Variants in SREBF1 observed in about 807,000 individuals in gnomAD.
SREBF1 encodes the protein sterol regulatory element binding transcription factor 1.
In SREBF1, 45 loss-of-function variants were observed where a neutral mutation model predicts 100.1. The observed-to-expected ratio is 0.45, with a 90% CI of 0.35 to 0.58. SREBF1 has a LOEUF of 0.58. Among genes scored for constraint, SREBF1 ranks in the 20% least tolerant of loss-of-function variants. The pLI is 0.00. For synonymous variants in SREBF1, 657 were observed against 681.8 expected (o/e 0.96, Z 0.57); for missense variants, 1,324 against 1,539.4 (o/e 0.86, Z 2.34).
Position 17,824,051 on chromosome 17 carries a change from G to A in SREBF1, c.92-3530C>T, listed in dbSNP as rs899797230. On this transcript the variant is annotated intron_variant, in intron 1 of 18. Coordinates refer to ENST00000261646, the MANE Select transcript of SREBF1 (RefSeq NM_004176.5). This position sits in a 1 kb window ranked among gnomAD's most constrained non-coding sequence, Gnocchi z 4.2. Reference sequence around the variant, plus strand: ...TCACTGGTTCGCTGGCACCCTGAGCGAGCCTTAACCGCTCCAACCCTCCGT... The same window carrying A: ...TCACTGGTTCGCTGGCACCCTGAGCAAGCCTTAACCGCTCCAACCCTCCGT... Among the ~76,000 whole-genome samples, 1 of 152,326 alleles carries A rather than the reference G, an allele frequency of 6.6e-6. No individual in the cohort carries two copies. Among genetic ancestry groups the A allele is most frequent in the Admixed American group, 6.5e-5 (1 of 15,300 alleles).
rs1208067954 is a variant in SREBF1, at chr17:17,818,337, T to C, written c.1106A>G (p.Tyr369Cys). The C allele has an allele frequency of 3.1e-6, 5 of 1,613,648 alleles. No individual in the cohort carries two copies. The Admixed American group carries it at 8.3e-5, about 27-fold the overall frequency. The change falls in exon 6 of 19, where the codon TAC becomes TGC. Residue 369 changes from tyrosine (Y) to cysteine (C), a missense_variant. By Grantham distance (194) the Tyr-to-Cys change is radical. Transcript: ENST00000261646. ...KSAVLRKAID[Y>C]IRFLQHSNQK... ...GTTGCTGTGTTGCAGAAAGCGAATG[T>C]AGTCGATGGCCTTGCGCAAGACAGC...
chr17:17,813,625 G>A lies in SREBF1; in HGVS notation c.3046C>T (p.Arg1016Trp), dbSNP rs775381502. 10 of 1,584,318 alleles carry A rather than the reference G, an allele frequency of 6.3e-6. No individual in the cohort carries two copies. The highest frequency in any genetic ancestry group is 4.5e-5 in the South Asian group (4 of 88,322). ...AGCCGCCTCAGGCTGCTCAGGTCCC[G>A]TTGGAAGCCACGCAGCTCAAGGGCG... is the stretch of plus-strand genomic sequence containing the variant. ...ASALELRGFQRDLSSLRRLAQ... is the reference protein window; with the variant it reads ...ASALELRGFQWDLSSLRRLAQ... The change falls in exon 17 of 19, where the codon CGG becomes TGG. Residue 1016 changes from arginine to tryptophan, a missense_variant. Coordinates refer to ENST00000261646, the MANE Select transcript of SREBF1 (RefSeq NM_004176.5).
chr17:17,816,750 T>C, intron 9 of SREBF1, 32 bp from the exon 10 acceptor site: 1 of 1,568,038 alleles, frequency 6.4e-7, no homozygotes, highest in South Asian at 1.2e-5. Context: ...GTGAGAAAAG[T>C]GAGGTCAGAG....
chr17:17,819,856 G>T, intron 2 of SREBF1, 131 bp from the exon 3 acceptor site: 1 of 1,316,016 alleles, frequency 7.6e-7, no homozygotes, highest in Non-Finnish European at 1.0e-6. Flanking sequence ...GACAGTCCCT[G>T]CCTGGGCTCT....
At chr17:17,815,378 C>T in intron 12 of SREBF1, 49 bp from the exon 13 acceptor site, 1 of 1,498,496 alleles carries the variant, frequency 6.7e-7, no homozygotes, top group Non-Finnish European at 9.3e-7. Context: ...CCCCACCCTC[C>T]TCTCCAAGCT....
rs1172493422 is a variant in SREBF1 at position 17,811,785 on chromosome 17, C to CTGA, written c.*834_*836dup. On this transcript the variant is annotated 3_prime_UTR_variant, in exon 19 of 19. Transcript: ENST00000261646. The stretch of plus-strand genomic sequence containing the variant: ...CCATCCTCCCGTGCCACCCAGGGAC[C>CTGA]TGATGGGGACAGAGCTGGGAGGTGA... 4.4e-6 allele frequency: 2 copies of CTGA among 454,786 alleles called. No individual in the cohort carries two copies. Among genetic ancestry groups the CTGA allele is most frequent in the East Asian group, 7.1e-5 (1 of 14,128 alleles). The allele number at this position is 454,786 out of a possible 1,614,324, so 28.2% of individuals were successfully genotyped here. A position where few individuals can be genotyped will look rare whatever the true frequency, so the allele number is the denominator to read the frequency against.
chr17:17,833,086 A>C (rs1034873541), intron 1 of SREBF1, among the ~76,000 whole-genome samples: 2 of 152,080 alleles, frequency 1.3e-5, no homozygotes, highest in African/African-American at 4.8e-5. Context: ...AACCAAGCAG[A>C]TTCCAATCAG....
At chr17:17,834,558 AG>A (rs2035108311) in intron 1 of SREBF1, among the ~76,000 whole-genome samples, 2 of 152,244 alleles carry the variant, frequency 1.3e-5, no homozygotes, top group Non-Finnish European at 2.9e-5. Context: ...GGCTGCCCCC[AG>A]TCTTCAAGGG....
chr17:17,815,325 G>T lies in SREBF1; in HGVS notation c.2388C>A (p.Asp796Glu), dbSNP rs369454652. ...ATAGCTGAGTCACCTGGGCCAGGGG[G>T]TCCACTGTGGAGAGGAGGAGGTGAG... ...SLYSLAGNPV[D>E]PLAQVTQLFR... The change falls in exon 13 of 19, where the codon GAC becomes GAA. Residue 796 changes from aspartate (D) to glutamate (E), a missense_variant. Physicochemically the swap from Asp to Glu is conservative, Grantham distance 45. Coordinates refer to ENST00000261646, the MANE Select transcript of SREBF1 (RefSeq NM_004176.5). 11 of 1,613,184 alleles carry T rather than the reference G, an allele frequency of 6.8e-6. No homozygotes were observed. In the South Asian group the frequency reaches 7.7e-5, roughly 11 times the overall value.
chr17:17,817,421 C>CA lies in SREBF1; in HGVS notation c.1440_1441insT (p.Gly481TrpfsTer44). 1 of 1,595,526 alleles carries CA rather than the reference C, an allele frequency of 6.3e-7. No individual in the cohort carries two copies. Among genetic ancestry groups the CA allele is most frequent in the Non-Finnish European group, 8.5e-7 (1 of 1,171,134 alleles). ...GCCAGGCGGGAGCGGTCCAGCATGC[C>CA]CCGGCTGTGCAGAGACGGCCGCTGC... On this transcript the variant is annotated frameshift_variant, in exon 8 of 19. Coordinates refer to ENST00000261646, the MANE Select transcript of SREBF1 (RefSeq NM_004176.5). LOFTEE classifies it high-confidence loss of function. This position sits in a 1 kb window ranked among gnomAD's most constrained non-coding sequence, Gnocchi z 6.6.
At position 17,817,128 on chromosome 17, in the gene SREBF1, C is replaced by T. The variant is rs778790003; in HGVS notation, c.1615G>A (p.Gly539Ser). The T allele has an allele frequency of 5.6e-6, 9 of 1,613,196 alleles. No individual in the cohort carries two copies. The highest frequency in any genetic ancestry group is 6.8e-6 in the Non-Finnish European group (8 of 1,179,918). ...GGGGGCAGCAGCCACTGGGCCCAGC[C>T]AGGGCCATCTATGGACAGAGGGAAA... The part of the protein sequence containing the change: ...VLGTESRDGP[G>S]WAQWLLPPVV... The change falls in exon 9 of 19, where the codon GGC (glycine) becomes AGC (serine). Residue 539 changes from glycine (G) to serine (S), a missense_variant. By Grantham distance (56) the Gly-to-Ser change is moderately conservative. Coordinates refer to ENST00000261646, the MANE Select transcript of SREBF1 (RefSeq NM_004176.5). The surrounding 1 kb of genome is among the most constrained non-coding windows in gnomAD (Gnocchi z 6.6).
chr17:17,829,239 TAC>T (rs144842792), intron 1 of SREBF1, among the ~76,000 whole-genome samples: 1,603 of 122,966 alleles, frequency 0.013, 111 homozygotes, highest in African/African-American at 0.058. Flanking sequence ...TATATATGTA[TAC>T]ACACACACAC....
At chr17:17,816,428 C>T in intron 10 of SREBF1, 29 bp downstream of exon 10, 3 of 1,602,622 alleles carry the variant, frequency 1.9e-6, no homozygotes, top group Non-Finnish European at 2.6e-6. Context: ...CAGGGAGCAC[C>T]TCGGAGCCCG....
rs184632773 is a variant in SREBF1 at position 17,812,844 on chromosome 17, C to A, written c.3222G>T (p.Val1074=). The A allele has an allele frequency of 4.2e-5, 62 of 1,471,718 alleles. No homozygotes were observed. The highest frequency in any genetic ancestry group is 5.4e-5 in the Non-Finnish European group (60 of 1,119,906). 91.2% of individuals were successfully genotyped at this position (1,471,718 alleles called of 1,614,324 possible). A position where few individuals can be genotyped will look rare whatever the true frequency, so the allele number is the denominator to read the frequency against. ...RAGPGGKGGA[V]AELEPRPTRR... The stretch of plus-strand genomic sequence containing the variant: ...GCGTGGGCCGCGGCTCCAGCTCCGC[C>A]ACCGCGCCTGCGCACACGAGGATGT... The change falls in exon 19 of 19, where the codon GTG becomes GTT. Residue 1074 remains valine, a synonymous_variant. Transcript: ENST00000261646.
At chr17:17,833,944 A>C (rs12938501) in intron 1 of SREBF1, among the ~76,000 whole-genome samples, 82,471 of 151,228 alleles carry the variant, frequency 0.55, 23,539 homozygotes, top group Non-Finnish European at 0.63. Flanking sequence ...GGACTACAGC[A>C]TGGGCAAAAG....
rs750166615 is a variant in SREBF1, at chr17:17,813,643, C to G, written c.3028G>C (p.Glu1010Gln). 8.9e-6 allele frequency: 14 copies of G among 1,571,566 alleles called. No homozygotes were observed. In the African/African-American group the frequency reaches 1.6e-4, roughly 18 times the overall value. The change falls in exon 17 of 19, where the codon GAG becomes CAG. Residue 1010 changes from glutamate to glutamine, a missense_variant. Physicochemically the swap from Glu to Gln is conservative, Grantham distance 29. Coordinates refer to ENST00000261646, the MANE Select transcript of SREBF1 (RefSeq NM_004176.5). ...AGGTCCCGTTGGAAGCCACGCAGCT[C>G]AAGGGCGGAAGCCTGGGGCCTGCTG... ...TSSRPQASAL[E>Q]LRGFQRDLSS... is the part of the protein sequence containing the mutation.
At chr17:17,819,846 G>A in intron 2 of SREBF1, 121 bp from the exon 3 acceptor site, 2 of 1,350,132 alleles carry the variant, frequency 1.5e-6, no homozygotes, top group Non-Finnish European at 2.0e-6. Flanking sequence ...GCTTCCTATG[G>A]ACAGTCCCTG....
At chr17:17,815,695 G>T in intron 12 of SREBF1, 165 bp downstream of exon 12, 1 of 726,556 alleles carries the variant, frequency 1.4e-6, no homozygotes, top group Non-Finnish European at 2.3e-6. Flanking sequence ...CAATGGGAAC[G>T]AGAGGCACCC....
At chr17:17,819,782 T>C in intron 2 of SREBF1, 57 bp from the exon 3 acceptor site, 3 of 1,520,100 alleles carry the variant, frequency 2.0e-6, no homozygotes, top group Non-Finnish European at 2.6e-6. Context: ...ACTTTCAACC[T>C]GCTCTTCAGG....
Sources: gnomAD v4.1 joint callset for allele counts (sites outside exome capture counted in the v4.1 genomes callset) on GRCh38, gnomAD v4.1.1 for gene constraint, Gnocchi (gnomAD v3.1) non-coding constraint, MANE v1.5 for transcripts, NCBI Gene and HGNC (gene_info 2026-07-23, HGNC 2026-07-21) for gene names.